NOX4: variants seen among roughly 807,000 people sequenced by gnomAD.
NOX4 encodes the protein NADPH oxidase 4, also known as kidney oxidase-1.
In NOX4, 69 loss-of-function variants were observed where a neutral mutation model predicts 87.6. The ratio of observed to expected loss-of-function variants is 0.79; its 90% confidence interval spans 0.65 to 0.96. NOX4 has a LOEUF of 0.96. Among genes scored for constraint, NOX4 ranks in the 40% least tolerant of loss-of-function variants. The pLI, the probability that NOX4 is intolerant of heterozygous loss-of-function variation, is 0.00. For synonymous variants in NOX4, 275 were observed against 238.2 expected (o/e 1.15, Z -1.42); for missense variants, 680 against 681.5 (o/e 1.00, Z 0.02).
chr11:89,327,705 C>T (rs765451217), intron 17 of NOX4, among the ~76,000 whole-genome samples: 6 of 151,876 alleles, frequency 4.0e-5, no homozygotes, highest in Non-Finnish European at 7.4e-5. Flanking sequence ...CAGAATAACT[C>T]GCACTGAACA....
At chr11:89,563,789 T>C in the NOX4 span, among the ~76,000 whole-genome samples, 1 of 152,198 alleles carries the variant, frequency 6.6e-6, no homozygotes, top group African/African-American at 2.4e-5. Flanking sequence ...TATTTGTCTT[T>C]CTTAACATTA....
the NOX4 span, among the ~76,000 whole-genome samples, chr11:89,508,708 C>T: frequency 2.6e-5 from 4 of 152,036 alleles, no homozygotes; most frequent in East Asian, 1.9e-4. Flanking sequence ...ACAATCTCCC[C>T]GGCACCAGGC....
chr11:89,393,461 C>T (rs1591100506), intron 11 of NOX4, among the ~76,000 whole-genome samples: 1 of 152,160 alleles, frequency 6.6e-6, no homozygotes, highest in South Asian at 2.1e-4. Flanking sequence ...AAATCTTTCA[C>T]CCACACGACA....
intron 12 of NOX4, among the ~76,000 whole-genome samples, 155 bp downstream of exon 12, chr11:89,373,277 C>CAAAA (rs144113376): frequency 6.9e-3 from 406 of 58,764 alleles, no homozygotes; most frequent in Non-Finnish European, 0.011. Flanking sequence ...ACTGTACAAG[C>CAAAA]AAAAAAAAAA....
the NOX4 span, among the ~76,000 whole-genome samples, chr11:89,562,224 A>T: frequency 6.6e-6 from 1 of 152,174 alleles, no homozygotes; most frequent in Admixed American, 6.6e-5. Context: ...ATCAATGCAG[A>T]TGTAAGTTCA....
chr11:89,436,371 C>T (rs528886439), intron 6 of NOX4, among the ~76,000 whole-genome samples: 91 of 152,208 alleles, frequency 6.0e-4, no homozygotes, highest in Middle Eastern at 6.8e-3. Context: ...CTGAAAACAC[C>T]GGCTGGAAAT....
chr11:89,391,112 C>T (rs911876703), intron 11 of NOX4, among the ~76,000 whole-genome samples: 2 of 152,108 alleles, frequency 1.3e-5, no homozygotes, highest in East Asian at 1.9e-4. Flanking sequence ...ATTGATTATG[C>T]ACCACATACT....
At chr11:89,532,946 C>T in the NOX4 span, among the ~76,000 whole-genome samples, 1 of 152,130 alleles carries the variant, frequency 6.6e-6, no homozygotes, top group Non-Finnish European at 1.5e-5. Context: ...CAACTTCTGC[C>T]ATGATTTCAA....
chr11:89,525,127 A>G, the NOX4 span, among the ~76,000 whole-genome samples: 1 of 152,058 alleles, frequency 6.6e-6, no homozygotes, highest in Admixed American at 6.6e-5. Context: ...CCCACTTTCC[A>G]GTTTGGAATT....
chr11:89,480,943 C>T (rs149459942), intron 2 of NOX4, among the ~76,000 whole-genome samples: 28 of 152,114 alleles, frequency 1.8e-4, no homozygotes, highest in African/African-American at 6.5e-4. Context: ...AAATTCCACC[C>T]AAGAATCATA....
intron 12 of NOX4, among the ~76,000 whole-genome samples, chr11:89,372,278 TAGTGCTTCA>T (rs1305149325): frequency 1.3e-5 from 2 of 151,900 alleles, no homozygotes; most frequent in African/African-American, 2.4e-5. Flanking sequence ...ATTTTCATCA[TAGTGCTTCA>T]AATGCTTCAA....
the NOX4 span, among the ~76,000 whole-genome samples, chr11:89,519,628 G>T: frequency 6.6e-6 from 1 of 152,004 alleles, no homozygotes; most frequent in East Asian, 1.9e-4. Flanking sequence ...AAGCAGTTCA[G>T]AAAGAAGAGA....
At chr11:89,426,443 C>T (rs898255194) in intron 7 of NOX4, among the ~76,000 whole-genome samples, 9 of 151,960 alleles carry the variant, frequency 5.9e-5, no homozygotes, top group East Asian at 5.9e-4. Flanking sequence ...ACCTGGGAAG[C>T]GCAAGGGGTC....
intron 7 of NOX4, among the ~76,000 whole-genome samples, chr11:89,428,492 T>C (rs921616266): frequency 2.7e-5 from 4 of 148,030 alleles, no homozygotes; most frequent in Non-Finnish European, 6.0e-5. Flanking sequence ...CAGACACACA[T>C]AGGCTCAAAA....
intron 13 of NOX4, among the ~76,000 whole-genome samples, chr11:89,342,407 T>C (rs1189448518): frequency 6.6e-6 from 1 of 152,156 alleles, no homozygotes; most frequent in Non-Finnish European, 1.5e-5. Flanking sequence ...TAAGTGTGTC[T>C]TTTTTGAGGA....
chr11:89,394,569 T>C (rs1941346350), intron 11 of NOX4, among the ~76,000 whole-genome samples: 2 of 152,144 alleles, frequency 1.3e-5, no homozygotes, highest in South Asian at 2.1e-4. Context: ...TTGTTACATA[T>C]GTATACATGT....
At chr11:89,502,556 A>G (rs1394743169), upstream of NOX4, among the ~76,000 whole-genome samples, 1 of 152,144 alleles carries the variant, frequency 6.6e-6, no homozygotes, top group East Asian at 1.9e-4. Flanking sequence ...CTGTTAGCCA[A>G]GAATGGATTG....
At chr11:89,536,146 T>C in the NOX4 span, among the ~76,000 whole-genome samples, 23 of 138,926 alleles carry the variant, frequency 1.7e-4, 1 homozygote, top group East Asian at 1.2e-3. Flanking sequence ...TTCTTTTTTT[T>C]TTTTTTTTTT....
At chr11:89,420,178 T>C (rs1464935542) in intron 8 of NOX4, among the ~76,000 whole-genome samples, 1 of 152,170 alleles carries the variant, frequency 6.6e-6, no homozygotes, top group Non-Finnish European at 1.5e-5. Context: ...GCTTAATCTT[T>C]CTAAACATCA....
Sources: gnomAD v4.1 joint callset for allele counts (sites outside exome capture counted in the v4.1 genomes callset) on GRCh38, gnomAD v4.1.1 for gene constraint, MANE v1.5 for transcripts, NCBI Gene and HGNC (gene_info 2026-07-23, HGNC 2026-07-21) for gene names.